Variants in GFRA1 observed in about 807,000 individuals in gnomAD.
The protein encoded by GFRA1 is GDNF family receptor alpha-1.
In GFRA1, 16 loss-of-function variants were observed where a neutral mutation model predicts 51.6. The ratio of observed to expected loss-of-function variants is 0.31; its 90% CI spans 0.21 to 0.47. The LOEUF (loss-of-function observed/expected upper bound fraction) is 0.47, where lower values mean the gene tolerates loss of function less well. Ranked by LOEUF, GFRA1 falls within the 20% of genes least tolerant of loss-of-function variation. The pLI is 1.00. For synonymous variants in GFRA1, 270 were observed against 241.3 expected (o/e 1.12, Z -1.10); for missense variants, 530 against 594.3 (o/e 0.89, Z 1.13).
chr10:116,127,201 T>C lies in GFRA1; in HGVS notation c.434-1644A>G, dbSNP rs56324382. Among the ~76,000 whole-genome samples, 190 of 152,350 alleles carry C rather than the reference T, an allele frequency of 1.2e-3. 1 individual carries two copies. The highest frequency in any genetic ancestry group is 4.2e-3 in the African/African-American group (174 of 41,576). ...ATCTGCTCTATAACACTGTGCCGATTGTTATCAATATTCTATTGTACACTT... is the reference window on the plus strand; with the variant it reads ...ATCTGCTCTATAACACTGTGCCGATCGTTATCAATATTCTATTGTACACTT... On this transcript the variant is annotated intron_variant, in intron 5 of 10. Transcript: ENST00000355422.
At chr10:116,134,307 T>G (rs1958228463) in intron 5 of GFRA1, among the ~76,000 whole-genome samples, 1 of 152,254 alleles carries the variant, frequency 6.6e-6, no homozygotes, top group South Asian at 2.1e-4. Context: ...TTAATATAAC[T>G]ACTGTTCTTC....
intron 6 of GFRA1, among the ~76,000 whole-genome samples, chr10:116,110,051 G>T (rs1170964891): frequency 6.6e-6 from 1 of 152,120 alleles, no homozygotes; most frequent in South Asian, 2.1e-4. Context: ...CCCTGTGCCC[G>T]CTGCCTCTCT....
intron 5 of GFRA1, among the ~76,000 whole-genome samples, chr10:116,145,103 C>T (rs1265108858): frequency 8.1e-6 from 1 of 123,740 alleles, no homozygotes; most frequent in Non-Finnish European, 1.6e-5. Flanking sequence ...GAGTTGAGAT[C>T]ATGCCACTGC....
chr10:116,234,554 G>A (rs1966843737), intron 4 of GFRA1, among the ~76,000 whole-genome samples: 1 of 152,210 alleles, frequency 6.6e-6, no homozygotes, highest in African/African-American at 2.4e-5. Context: ...ACGGCCCTCT[G>A]GTGGATCACT....
chr10:116,096,894 CA>C, intron 6 of GFRA1, 130 bp from the exon 7 acceptor site: 1 of 634,656 alleles, frequency 1.6e-6, no homozygotes, highest in Non-Finnish European at 2.9e-6. Flanking sequence ...CACACACACA[CA>C]CACACATACA....
intron 5 of GFRA1, among the ~76,000 whole-genome samples, chr10:116,193,811 A>G (rs529103762): frequency 1.5e-4 from 23 of 152,012 alleles, no homozygotes; most frequent in African/African-American, 5.5e-4. Context: ...TAATCCCAGC[A>G]CTTTGGGAGG....
intron 6 of GFRA1, among the ~76,000 whole-genome samples, chr10:116,121,208 T>G (rs1957627361): frequency 6.6e-6 from 1 of 152,216 alleles, no homozygotes; most frequent in South Asian, 2.1e-4. Context: ...CAAAAGGTTA[T>G]GCTTCCATTC....
At chr10:116,259,257 C>A (rs1969121595) in intron 4 of GFRA1, among the ~76,000 whole-genome samples, 2 of 151,816 alleles carry the variant, frequency 1.3e-5, no homozygotes, top group Admixed American at 6.6e-5. Context: ...GAAAGTGGCA[C>A]CAGCATGGTG....
chr10:116,199,253 G>A (rs1964143311), intron 5 of GFRA1, among the ~76,000 whole-genome samples: 1 of 152,158 alleles, frequency 6.6e-6, no homozygotes, highest in South Asian at 2.1e-4. Context: ...CTACTCTGCA[G>A]CCATCCCTCA....
intron 6 of GFRA1, among the ~76,000 whole-genome samples, chr10:116,103,182 G>T (rs1589790970): frequency 1.3e-5 from 2 of 152,130 alleles, no homozygotes; most frequent in African/African-American, 4.8e-5. Flanking sequence ...CATACCAGTT[G>T]CTATGTACAG....
intron 9 of GFRA1, among the ~76,000 whole-genome samples, chr10:116,083,659 G>T (rs1324228582): frequency 6.6e-6 from 1 of 152,082 alleles, no homozygotes; most frequent in African/African-American, 2.4e-5. Flanking sequence ...CTGGGTATTT[G>T]GTAGGCTTGG....
At chr10:116,167,796 G>A (rs1380084137) in intron 5 of GFRA1, among the ~76,000 whole-genome samples, 1 of 152,120 alleles carries the variant, frequency 6.6e-6, no homozygotes. Flanking sequence ...ACAACCTGAG[G>A]AATGCTGCTT....
chr10:116,269,681 G>T, intron 3 of GFRA1, 95 bp from the exon 4 acceptor site: 1 of 778,096 alleles, frequency 1.3e-6, no homozygotes, highest in Non-Finnish European at 2.3e-6. Context: ...TGTTATGATT[G>T]TGTAACAAAA....
rs925873350 is a variant in GFRA1, at chr10:116,064,058, GATCATCATCATGATCATGATGATCATC to G, written c.*313_*339del. ...TTAAAATCATCATCATGATCATGATGATCATCATCATGATCATGATGATCATCATCATGATCATCATCATCATCGAAA... is the reference window on the plus strand; with the variant it reads ...TTAAAATCATCATCATGATCATGATGATCATGATCATCATCATCATCGAAA... On this transcript the variant is annotated 3_prime_UTR_variant, in exon 11 of 11. Transcript: ENST00000355422. 21 of 188,458 alleles carry G rather than the reference GATCATCATCATGATCATGATGATCATC, an allele frequency of 1.1e-4. 1 individual carries two copies. The highest frequency in any genetic ancestry group is 3.0e-4 in the African/African-American group (9 of 29,916). 11.7% of individuals were successfully genotyped at this position (188,458 alleles called of 1,614,324 possible).
At chr10:116,088,691 C>T (rs796833642) in intron 9 of GFRA1, among the ~76,000 whole-genome samples, 18 of 152,104 alleles carry the variant, frequency 1.2e-4, no homozygotes, top group African/African-American at 4.1e-4. Flanking sequence ...GAGGCTGAGG[C>T]GGGCAGATCA....
At chr10:116,240,906 G>A (rs1162099771) in intron 4 of GFRA1, among the ~76,000 whole-genome samples, 1 of 152,178 alleles carries the variant, frequency 6.6e-6, no homozygotes, top group East Asian at 1.9e-4. Flanking sequence ...ACAGGTAGCT[G>A]TAGTTATGAT....
intron 6 of GFRA1, among the ~76,000 whole-genome samples, chr10:116,100,220 GA>G (rs1956763729): frequency 6.6e-6 from 1 of 152,164 alleles, no homozygotes; most frequent in Non-Finnish European, 1.5e-5. Context: ...TAACAACTAC[GA>G]AGTATTTGTA....
rs189207847 is a variant in GFRA1 at position 116,233,815 on chromosome 10, A to G, written c.419-22170T>C. ...CAAACACACTTGATGTTTCCCCCCA[A>G]TACAAATTATGTCTAAAGGCCCATC... is the stretch of plus-strand genomic sequence containing the variant. On this transcript the variant is annotated intron_variant, in intron 4 of 10. Coordinates refer to ENST00000355422, the MANE Select transcript of GFRA1 (RefSeq NM_005264.8). Among the ~76,000 whole-genome samples the G allele has an allele frequency of 5.1e-3, 778 of 152,284 alleles. 11 individuals are homozygous for G. The highest frequency in any genetic ancestry group is 0.015 in the African/African-American group (637 of 41,548).
rs1476970474 is a variant in GFRA1, at chr10:116,061,393, G to GTAA, written c.*3002_*3004dup. 1 of 151,686 alleles carries GTAA rather than the reference G, an allele frequency of 6.6e-6. No individual in the cohort carries two copies. Among genetic ancestry groups the GTAA allele is most frequent in the Non-Finnish European group, 1.5e-5 (1 of 67,996 alleles). 9.4% of individuals were successfully genotyped at this position (151,686 alleles called of 1,614,324 possible). A position where few individuals can be genotyped will look rare whatever the true frequency, so the allele number is the denominator to read the frequency against. On this transcript the variant is annotated 3_prime_UTR_variant, in exon 11 of 11. Coordinates refer to ENST00000355422, the MANE Select transcript of GFRA1 (RefSeq NM_005264.8). Reference sequence around the variant, plus strand: ...AAATCAGGTATGGAAAAATAAATATGTAATTGGCATTCTCAATTCCTTCTC... The same window carrying GTAA: ...AAATCAGGTATGGAAAAATAAATATGTAATAATTGGCATTCTCAATTCCTTCTC...
Sources: gnomAD v4.1 joint callset for allele counts (sites outside exome capture counted in the v4.1 genomes callset) on GRCh38, gnomAD v4.1.1 for gene constraint, MANE v1.5 for transcripts, NCBI Gene and HGNC (gene_info 2026-07-23, HGNC 2026-07-21) for gene names.